Variants in DEUP1 observed in about 807,000 individuals in gnomAD.
The protein encoded by DEUP1 is coiled-coil domain containing 67.
Under a neutral mutation model 87.4 loss-of-function variants are expected in DEUP1, and 82 were observed. That is an observed-to-expected ratio of 0.94 (90% CI 0.78 to 1.13). The LOEUF is 1.13. Ranked by LOEUF, DEUP1 falls within the 50% of genes most tolerant of loss-of-function variation. DEUP1 has a pLI of 0.00. For missense variants in DEUP1, 663 were observed against 681.5 expected, an observed-to-expected ratio of 0.97 and a Z score of 0.30; for synonymous variants, 214 against 222.7, an observed-to-expected ratio of 0.96 and a Z score of 0.35.
intron 13 of DEUP1, among the ~76,000 whole-genome samples, chr11:93,420,365 T>C (rs897301443): frequency 8.6e-5 from 13 of 151,668 alleles, no homozygotes; most frequent in African/African-American, 3.2e-4. Context: ...AATTCAACAA[T>C]GCTTCATGCT....
chr11:93,365,744 T>G (rs1945382769), intron 5 of DEUP1, among the ~76,000 whole-genome samples: 1 of 152,216 alleles, frequency 6.6e-6, no homozygotes, highest in Non-Finnish European at 1.5e-5. Flanking sequence ...TTAAAGACTC[T>G]ATGCAGATAT....
chr11:93,345,613 A>G (rs1257748965), intron 2 of DEUP1, among the ~76,000 whole-genome samples: 1 of 152,208 alleles, frequency 6.6e-6, no homozygotes, highest in African/African-American at 2.4e-5. Context: ...ACAATCAGTA[A>G]TGTTGAGCCT....
chr11:93,352,405 T>G, intron 2 of DEUP1: 1 of 702,502 alleles, frequency 1.4e-6, no homozygotes, highest in East Asian at 2.7e-5. Context: ...AAAAGAACTC[T>G]GTAGTGAGAG....
intron 13 of DEUP1, among the ~76,000 whole-genome samples, chr11:93,419,171 T>A (rs1947771462): frequency 1.1e-5 from 1 of 88,196 alleles, no homozygotes; most frequent in African/African-American, 4.2e-5. Context: ...ACCCTAAAAC[T>A]TAAAGTATAA....
intron 2 of DEUP1, among the ~76,000 whole-genome samples, chr11:93,340,717 A>T (rs1944026103): frequency 6.6e-6 from 1 of 152,238 alleles, no homozygotes; most frequent in Non-Finnish European, 1.5e-5. Flanking sequence ...ACAATGTTAT[A>T]GATCCTGGAT....
At chr11:93,415,923 T>A (rs1163719400) in intron 13 of DEUP1, among the ~76,000 whole-genome samples, 3 of 152,148 alleles carry the variant, frequency 2.0e-5, no homozygotes, top group African/African-American at 4.8e-5. Context: ...TCATTTCCAA[T>A]TTGGGGCTAT....
chr11:93,396,046 A>G (rs1946934035), intron 10 of DEUP1, among the ~76,000 whole-genome samples, 193 bp from the exon 11 acceptor site: 1 of 152,216 alleles, frequency 6.6e-6, no homozygotes, highest in South Asian at 2.1e-4. Context: ...AGCATTGATC[A>G]GAAAAAGACG....
At position 93,415,128 on chromosome 11, in the gene DEUP1, T is replaced by C; in HGVS notation, c.1638+14T>C. 6.5e-7 allele frequency: 1 copy of C among 1,543,174 alleles called. No homozygotes were observed. The highest frequency in any genetic ancestry group is 8.9e-7 in the Non-Finnish European group (1 of 1,118,838). ...GTATTCCCACTGGTGAGTTGCTGGT[T>C]GTGGGCTTTTTTTTTCTTTAATGGG... On this transcript the variant is annotated intron_variant, in intron 13 of 13. Transcript: ENST00000298050.
intron 2 of DEUP1, 84 bp from the exon 3 acceptor site, chr11:93,355,287 A>C (rs1944842445): frequency 8.8e-7 from 1 of 1,136,296 alleles, no homozygotes; most frequent in Non-Finnish European, 1.3e-6. Context: ...AATAATGTTC[A>C]AGCTATGCAG....
chr11:93,435,015 C>T (rs1021824294), intron 13 of DEUP1, among the ~76,000 whole-genome samples: 1 of 152,104 alleles, frequency 6.6e-6, no homozygotes, highest in Admixed American at 6.6e-5. Context: ...GGTCGTGCCC[C>T]CACTGCCATA....
chr11:93,334,283 ATT>A (rs1943638747), intron 2 of DEUP1, among the ~76,000 whole-genome samples: 1 of 152,192 alleles, frequency 6.6e-6, no homozygotes, highest in African/African-American at 2.4e-5. Context: ...TATGTAGCTT[ATT>A]AAACCATGTC....
Position 93,394,457 on chromosome 11 carries a change from A to G in DEUP1, c.1042-2A>G. 1 of 1,551,540 alleles carries G rather than the reference A, an allele frequency of 6.4e-7. No individual in the cohort carries two copies. The highest frequency in any genetic ancestry group is 8.7e-7 in the Non-Finnish European group (1 of 1,154,400). On this transcript the variant is annotated splice_acceptor_variant, in intron 9 of 13. Transcript: ENST00000298050. LOFTEE classifies it high-confidence loss of function. ...AATATTTCCAGTCTCTATCTGCTGC[A>G]GATAAGAAGCCAACTCCAACAGGTG...
intron 11 of DEUP1, among the ~76,000 whole-genome samples, chr11:93,400,800 G>T (rs893975509): frequency 3.8e-4 from 58 of 152,180 alleles, no homozygotes; most frequent in African/African-American, 1.3e-3. Context: ...AAACAAATAT[G>T]CAGATAAAGG....
chr11:93,354,245 G>A (rs1022362251), intron 2 of DEUP1, among the ~76,000 whole-genome samples: 2 of 152,084 alleles, frequency 1.3e-5, no homozygotes, highest in Non-Finnish European at 2.9e-5. Flanking sequence ...CATAACAAGA[G>A]TCACCTTTAC....
chr11:93,419,188 A>T (rs972350504), intron 13 of DEUP1, among the ~76,000 whole-genome samples: 19 of 151,048 alleles, frequency 1.3e-4, no homozygotes, highest in Admixed American at 2.6e-4. Flanking sequence ...ATAATAATAA[A>T]AAAAAAAAAG....
chr11:93,337,194 TA>T (rs1247756014), intron 2 of DEUP1, among the ~76,000 whole-genome samples: 1 of 152,218 alleles, frequency 6.6e-6, no homozygotes, highest in Non-Finnish European at 1.5e-5. Flanking sequence ...AAAGGTCCTT[TA>T]AAACTATACT....
intron 7 of DEUP1, among the ~76,000 whole-genome samples, chr11:93,378,494 A>T: frequency 6.6e-6 from 1 of 150,792 alleles, no homozygotes; most frequent in Non-Finnish European, 1.5e-5. Context: ...CTCTTTTTTG[A>T]TTTCTTAAAG....
chr11:93,407,353 C>T (rs1204081890), intron 11 of DEUP1, among the ~76,000 whole-genome samples: 2 of 152,118 alleles, frequency 1.3e-5, no homozygotes, highest in South Asian at 2.1e-4. Context: ...TTACAGCCTA[C>T]GTGTGTAGTA....
intron 2 of DEUP1, among the ~76,000 whole-genome samples, chr11:93,341,901 T>C (rs1012719890): frequency 6.6e-6 from 1 of 151,986 alleles, no homozygotes; most frequent in Non-Finnish European, 1.5e-5. Flanking sequence ...TAGGGGAGAA[T>C]CTTTTCCTTG....
Sources: allele counts gnomAD v4.1 joint callset (sites outside exome capture counted in the v4.1 genomes callset), GRCh38; gene constraint gnomAD v4.1.1; transcripts MANE v1.5; gene names NCBI Gene and HGNC (gene_info 2026-07-23, HGNC 2026-07-21).